The following STAM2 variants were observed in gnomAD, a reference collection of about 807,000 sequenced individuals.
STAM2 encodes the protein signal transducing adaptor molecule 2, also known as signal transducing adapter molecule 2.
Under a neutral mutation model 65.6 loss-of-function variants are expected in STAM2, and 51 were observed. The observed-to-expected ratio is 0.78, with a 90% CI of 0.62 to 0.98. The LOEUF (loss-of-function observed/expected upper bound fraction) is 0.98, where lower values mean the gene tolerates loss of function less well. Ranked by LOEUF, STAM2 falls within the 50% of genes least tolerant of loss-of-function variation. The probability of loss-of-function intolerance (pLI) is 0.00; values close to 1 mark genes in which losing one functional copy is unlikely to be tolerated. For synonymous variants in STAM2, 198 were observed against 208.4 expected, an observed-to-expected ratio of 0.95 and a Z score of 0.43; for missense variants, 584 against 617.8, an observed-to-expected ratio of 0.95 and a Z score of 0.58.
At chr2:152,131,261 T>G (rs1419113284) in intron 11 of STAM2, among the ~76,000 whole-genome samples, 1 of 152,140 alleles carries the variant, frequency 6.6e-6, no homozygotes, top group Non-Finnish European at 1.5e-5. Flanking sequence ...GAGACCAGCC[T>G]GGCCAACATG....
chr2:152,146,903 A>T (rs1439407927), intron 5 of STAM2, among the ~76,000 whole-genome samples: 1 of 152,236 alleles, frequency 6.6e-6, no homozygotes, highest in Non-Finnish European at 1.5e-5. Context: ...TCATATACCT[A>T]TGCCTTTTGC....
At chr2:152,136,886 ATTTT>A (rs1336779095) in intron 7 of STAM2, among the ~76,000 whole-genome samples, 1 of 136,704 alleles carries the variant, frequency 7.3e-6, no homozygotes, top group Non-Finnish European at 1.6e-5. Flanking sequence ...GAATATAAAC[ATTTT>A]TCTTTTTTTT....
chr2:152,147,835 A>G (rs1689362248), intron 4 of STAM2, among the ~76,000 whole-genome samples, 189 bp downstream of exon 4: 1 of 152,222 alleles, frequency 6.6e-6, no homozygotes, highest in Admixed American at 6.5e-5. Flanking sequence ...TATTTACAGT[A>G]TATATACTTT....
chr2:152,134,517 T>C (rs1225680638), intron 8 of STAM2, among the ~76,000 whole-genome samples: 3 of 152,210 alleles, frequency 2.0e-5, no homozygotes, highest in African/African-American at 7.2e-5. Context: ...ACTCTACACA[T>C]ACAAAGACGA....
intron 7 of STAM2, among the ~76,000 whole-genome samples, chr2:152,138,864 A>G (rs749595680): frequency 6.6e-6 from 1 of 152,238 alleles, no homozygotes; most frequent in Non-Finnish European, 1.5e-5. Context: ...AAAACGAGAA[A>G]ACCCAAACCT....
At chr2:152,156,553 G>T (rs966628731) in intron 1 of STAM2, among the ~76,000 whole-genome samples, 12 of 152,142 alleles carry the variant, frequency 7.9e-5, no homozygotes, top group African/African-American at 2.9e-4. Context: ...TTTGGTGGGT[G>T]TAAGTCATAA....
Position 152,169,496 on chromosome 2 carries a change from C to T in STAM2, c.40+6107G>A, listed in dbSNP as rs71417207. Among the ~76,000 whole-genome samples the T allele has an allele frequency of 3.5e-3, 540 of 152,168 alleles. 4 individuals carry two copies. The highest frequency in any genetic ancestry group is 6.8e-3 in the Middle Eastern group (2 of 294). Reference sequence around the variant, plus strand: ...TTCATCATGTTGCCCTGACTGATCTCGAACTCCTGAGATCAAGCAATCCAC... The same window carrying T: ...TTCATCATGTTGCCCTGACTGATCTTGAACTCCTGAGATCAAGCAATCCAC... On this transcript the variant is annotated intron_variant, in intron 1 of 13. Transcript: ENST00000263904.
chr2:152,175,688 A>G lies in STAM2; in HGVS notation c.-46T>C, dbSNP rs774335655. Reference sequence around the variant, plus strand: ...AGTCGCTGCTGTCTAGCTGACACTCAGCAACTGCTACCCGCCGGGTGACCC... The same window carrying G: ...AGTCGCTGCTGTCTAGCTGACACTCGGCAACTGCTACCCGCCGGGTGACCC... On this transcript the variant is annotated 5_prime_UTR_variant, in exon 1 of 14. Coordinates refer to ENST00000263904, the MANE Select transcript of STAM2 (RefSeq NM_005843.6). 4.8e-5 allele frequency: 76 copies of G among 1,586,404 alleles called. No homozygotes were observed. In the Admixed American group the frequency reaches 9.9e-4, roughly 21 times the overall value.
At chr2:152,122,418 TATA>T in intron 13 of STAM2, among the ~76,000 whole-genome samples, 1 of 152,150 alleles carries the variant, frequency 6.6e-6, no homozygotes, top group African/African-American at 2.4e-5. Flanking sequence ...AAACCCCATC[TATA>T]AAAAAAGTTT....
intron 1 of STAM2, among the ~76,000 whole-genome samples, chr2:152,159,231 A>G (rs1465615134): frequency 2.0e-5 from 3 of 151,434 alleles, no homozygotes; most frequent in African/African-American, 7.3e-5. Flanking sequence ...CCTTGTGCCC[A>G]GGAGTTTAAA....
Position 152,154,601 on chromosome 2 carries a change from G to C in STAM2, c.41-4372C>G, listed in dbSNP as rs117378274. On this transcript the variant is annotated intron_variant, in intron 1 of 13. Transcript: ENST00000263904. Reference sequence around the variant, plus strand: ...CCACTGCACTCCAACGTGGACAACAGAGTGAGCCCCTGTCTCTACAAAACA... The same window carrying C: ...CCACTGCACTCCAACGTGGACAACACAGTGAGCCCCTGTCTCTACAAAACA... 1.0e-3 allele frequency among the ~76,000 whole-genome samples: 154 copies of C among 151,498 alleles called. 2 individuals are homozygous for C. The East Asian group carries it at 0.025, about 25-fold the overall frequency.
chr2:152,171,108 T>G (rs949191196), intron 1 of STAM2, among the ~76,000 whole-genome samples: 3 of 152,210 alleles, frequency 2.0e-5, no homozygotes, highest in African/African-American at 4.8e-5. Flanking sequence ...TGTAGTATTA[T>G]ACTATTAAAG....
rs368062610 is a variant in STAM2 at position 152,120,542 on chromosome 2, T to C, written c.*32A>G. Reference sequence around the variant, plus strand: ...TCACAAGGACTGAATAATACACTTATGAAGGCTTTCAAGAAAATGCTTGAT... The same window carrying C: ...TCACAAGGACTGAATAATACACTTACGAAGGCTTTCAAGAAAATGCTTGAT... On this transcript the variant is annotated 3_prime_UTR_variant, in exon 14 of 14. Transcript: ENST00000263904. The C allele has an allele frequency of 1.8e-4, 285 of 1,594,368 alleles. No individual in the cohort carries two copies. Among genetic ancestry groups the C allele is most frequent in the Non-Finnish European group, 2.4e-4 (275 of 1,163,468 alleles).
chr2:152,136,759 G>A (rs1033325636), intron 7 of STAM2, among the ~76,000 whole-genome samples: 1 of 152,094 alleles, frequency 6.6e-6, no homozygotes, highest in Non-Finnish European at 1.5e-5. Context: ...TGGACATTTA[G>A]GTTGATTCCA....
At chr2:152,134,393 C>T (rs1264002180) in intron 8 of STAM2, among the ~76,000 whole-genome samples, 1 of 152,162 alleles carries the variant, frequency 6.6e-6, no homozygotes, top group Non-Finnish European at 1.5e-5. Context: ...CTCCAATATT[C>T]CTATCTACTT....
At chr2:152,146,464 G>A (rs776080881) in intron 5 of STAM2, among the ~76,000 whole-genome samples, 5 of 151,960 alleles carry the variant, frequency 3.3e-5, no homozygotes, top group South Asian at 2.1e-4. Flanking sequence ...CACTCCATGA[G>A]TCAACATCCC....
At chr2:152,131,689 C>T (rs1318647581) in intron 11 of STAM2, 2 of 192,042 alleles carry the variant, frequency 1.0e-5, no homozygotes, top group Non-Finnish European at 2.2e-5. Flanking sequence ...TGGTCATCCT[C>T]ACTAAAACTG....
At chr2:152,168,602 A>G (rs1261636927) in intron 1 of STAM2, among the ~76,000 whole-genome samples, 2 of 152,252 alleles carry the variant, frequency 1.3e-5, no homozygotes, top group Non-Finnish European at 2.9e-5. Flanking sequence ...TTACTTACAA[A>G]TTATACATAA....
In STAM2 at chr2:152,175,731, G is replaced by C; in HGVS notation, c.-89C>G. 3 of 1,425,350 alleles carry C rather than the reference G, an allele frequency of 2.1e-6. No individual in the cohort carries two copies. The East Asian group carries it at 7.4e-5, about 35-fold the overall frequency. The allele number at this position is 1,425,350 out of a possible 1,614,324, so 88.3% of individuals were successfully genotyped here. On this transcript the variant is annotated 5_prime_UTR_variant, in exon 1 of 14. Coordinates refer to ENST00000263904, the MANE Select transcript of STAM2 (RefSeq NM_005843.6). Reference sequence around the variant, plus strand: ...GGTGACCCGCGGCCGCGGCTCCCTAGACCGCTCCGCTTCGGCCTCCGTCCC... The same window carrying C: ...GGTGACCCGCGGCCGCGGCTCCCTACACCGCTCCGCTTCGGCCTCCGTCCC...
Sources: gnomAD v4.1 joint callset for allele counts (sites outside exome capture counted in the v4.1 genomes callset) on GRCh38, gnomAD v4.1.1 for gene constraint, MANE v1.5 for transcripts, NCBI Gene and HGNC (gene_info 2026-07-23, HGNC 2026-07-21) for gene names.